ZNF343: variants seen among roughly 807,000 people sequenced by gnomAD.
ZNF343 encodes zinc finger protein 343.
ZNF343 carries 11 observed loss-of-function variants against 13.8 expected under a neutral mutation model. The ratio of observed to expected loss-of-function variants is 0.80; its 90% CI spans 0.50 to 1.32. The LOEUF (loss-of-function observed/expected upper bound fraction) is 1.32. Ranked by LOEUF, ZNF343 falls within the 40% of genes most tolerant of loss-of-function variation. The probability of loss-of-function intolerance (pLI) is 0.00; values close to 1 mark genes in which losing one functional copy is unlikely to be tolerated. For missense variants in ZNF343, 658 were observed against 714.2 expected (o/e 0.92, Z 0.90); for synonymous variants, 248 against 260.0 (o/e 0.95, Z 0.44).
At chr20:2,521,882 G>A (rs1600085318) in intron 1 of ZNF343, among the ~76,000 whole-genome samples, 2 of 152,202 alleles carry the variant, frequency 1.3e-5, no homozygotes, top group Admixed American at 6.5e-5. Context: ...ATGCCAGGCC[G>A]GAGGGGCTCC....
chr20:2,484,843 A>G (rs1160812144), intron 5 of ZNF343, among the ~76,000 whole-genome samples, 187 bp from the exon 6 acceptor site: 1 of 152,206 alleles, frequency 6.6e-6, no homozygotes, highest in African/African-American at 2.4e-5. Context: ...CAGAAAATCC[A>G]TAACAAAAAT....
upstream of ZNF343, among the ~76,000 whole-genome samples, chr20:2,510,776 AGTGC>A (rs1318645113): frequency 1.3e-5 from 2 of 152,234 alleles, no homozygotes; most frequent in African/African-American, 2.4e-5. Flanking sequence ...GCCTTAATTG[AGTGC>A]TGCAGCCAAG....
At chr20:2,509,394 C>A (rs1171923344), upstream of ZNF343, among the ~76,000 whole-genome samples, 1 of 152,216 alleles carries the variant, frequency 6.6e-6, no homozygotes, top group Non-Finnish European at 1.5e-5. Context: ...CGCCTCCCAG[C>A]GTCTCAGTTG....
chr20:2,483,901 CAT>C lies in ZNF343; in HGVS notation c.1058_1059del (p.Tyr353CysfsTer10). 2 of 1,614,176 alleles carry C rather than the reference CAT, an allele frequency of 1.2e-6. No homozygotes were observed. The highest frequency in any genetic ancestry group is 4.5e-5 in the East Asian group (2 of 44,872). On this transcript the variant is annotated frameshift_variant, in exon 6 of 6. Coordinates refer to ENST00000278772, the MANE Select transcript of ZNF343 (RefSeq NM_024325.6). LOFTEE classifies it low-confidence loss of function (END_TRUNC). ...AAGCCTCGCCCACACTCGCTGCAAACATAGGGCTTCTCCTCTGAGTGAGTCCA... is the reference window on the plus strand; with the variant it reads ...AAGCCTCGCCCACACTCGCTGCAAACAGGGCTTCTCCTCTGAGTGAGTCCA... ...HQWTHSEEKP[Y>X]VCSECGRGFS...
rs754573101 is a variant in ZNF343, at chr20:2,483,831, C to T, written c.1130G>A (p.Gly377Asp). 8 of 1,613,196 alleles carry T rather than the reference C, an allele frequency of 5.0e-6. No homozygotes were observed. Among genetic ancestry groups the T allele is most frequent in the Non-Finnish European group, 6.8e-6 (8 of 1,179,748 alleles). ...CTCCAGGCACACATAGGGTTTCTCACCGGAGTGTGTCCTCTGGTGTCTGAT... is the reference window on the plus strand; with the variant it reads ...CTCCAGGCACACATAGGGTTTCTCATCGGAGTGTGTCCTCTGGTGTCTGAT... ...SFIRHQRTHS[G>D]EKPYVCLECG... The change falls in exon 6 of 6, where the codon GGT becomes GAT. Residue 377 changes from glycine (G) to aspartate (D), a missense_variant. Coordinates refer to ENST00000278772, the MANE Select transcript of ZNF343 (RefSeq NM_024325.6).
chr20:2,506,911 G>A (rs998116800), intron 1 of ZNF343, among the ~76,000 whole-genome samples: 1 of 151,048 alleles, frequency 6.6e-6, no homozygotes, highest in Admixed American at 6.6e-5. Context: ...TAACCTGCAC[G>A]TTGCGCACAT....
At chr20:2,484,956 A>G (rs573919021) in intron 5 of ZNF343, among the ~76,000 whole-genome samples, 2 of 152,254 alleles carry the variant, frequency 1.3e-5, no homozygotes, top group African/African-American at 4.8e-5. Context: ...ATTGGTATAT[A>G]CTGTCCACAG....
At chr20:2,489,059 A>T (rs992994634) in intron 5 of ZNF343, among the ~76,000 whole-genome samples, 6 of 152,054 alleles carry the variant, frequency 3.9e-5, no homozygotes, top group African/African-American at 1.2e-4. Flanking sequence ...ATATATATAA[A>T]TTTTTTTTAA....
At chr20:2,510,496 AAT>A (rs1285768764), upstream of ZNF343, among the ~76,000 whole-genome samples, 1 of 152,218 alleles carries the variant, frequency 6.6e-6, no homozygotes, top group East Asian at 1.9e-4. Context: ...TCACCTTCCC[AAT>A]ATCAGCCTTC....
intron 1 of ZNF343, among the ~76,000 whole-genome samples, chr20:2,501,548 T>G (rs962869041): frequency 1.3e-5 from 2 of 152,178 alleles, no homozygotes; most frequent in Non-Finnish European, 2.9e-5. Context: ...GTAGCCTAAC[T>G]GGGAGGCACC....
In ZNF343 at chr20:2,523,769, G is replaced by A. The variant is rs933704530; in HGVS notation, c.-347+686C>T. On this transcript the variant is annotated intron_variant, in intron 1 of 6. Transcript: ENST00000358413. ...GATCTTGGCTCACTGCAACCTCTGC[G>A]TCCTGGATTCACGTGATTCTCCTGC... Among the ~76,000 whole-genome samples, 5 of 144,916 alleles carry A rather than the reference G, an allele frequency of 3.5e-5. No individual in the cohort carries two copies. The South Asian group carries it at 6.4e-4, about 19-fold the overall frequency.
At chr20:2,498,445 A>G (rs970973352) in intron 2 of ZNF343, among the ~76,000 whole-genome samples, 2 of 152,226 alleles carry the variant, frequency 1.3e-5, no homozygotes, top group African/African-American at 4.8e-5. Context: ...AATGGAGTAA[A>G]TGTGTGACTA....
chr20:2,502,957 T>C (rs1227116988), intron 1 of ZNF343, among the ~76,000 whole-genome samples: 1 of 152,142 alleles, frequency 6.6e-6, no homozygotes, highest in Non-Finnish European at 1.5e-5. Flanking sequence ...AATTAACACA[T>C]AACCATATTA....
chr20:2,517,406 T>C (rs2085763968), intron 1 of ZNF343, among the ~76,000 whole-genome samples: 1 of 151,950 alleles, frequency 6.6e-6, no homozygotes, highest in South Asian at 2.1e-4. Flanking sequence ...TGTATATGTA[T>C]ATATATACAC....
chr20:2,516,831 C>T (rs2085761413), intron 1 of ZNF343, among the ~76,000 whole-genome samples: 1 of 151,938 alleles, frequency 6.6e-6, no homozygotes, highest in African/African-American at 2.4e-5. Flanking sequence ...GGATAAAGGT[C>T]AGGCTCAAGG....
At chr20:2,519,944 G>C (rs890137934) in intron 1 of ZNF343, among the ~76,000 whole-genome samples, 1 of 152,198 alleles carries the variant, frequency 6.6e-6, no homozygotes, top group African/African-American at 2.4e-5. Context: ...AGGTGTGATT[G>C]TAAGATTATT....
At position 2,484,614 on chromosome 20, in the gene ZNF343, A is replaced by G; in HGVS notation, c.347T>C (p.Leu116Pro). 6.2e-7 allele frequency: 1 copy of G among 1,609,990 alleles called. No individual in the cohort carries two copies. Among genetic ancestry groups the G allele is most frequent in the Non-Finnish European group, 8.5e-7 (1 of 1,177,828 alleles). Residue 116 changes from leucine to proline, a missense_variant, in exon 6 of 6, where the codon CTG becomes CCG. Coordinates refer to ENST00000278772, the MANE Select transcript of ZNF343 (RefSeq NM_024325.6). ...PEIYTCSSCL[L>P]AFSCQQFLSQ... is the part of the protein sequence containing the mutation. ...GAGGAACTGCTGACAGGAGAAGGCCAGAAGGCAGGAGGAACAAGTGTAGAT... is the reference window on the plus strand; with the variant it reads ...GAGGAACTGCTGACAGGAGAAGGCCGGAAGGCAGGAGGAACAAGTGTAGAT...
intron 1 of ZNF343, among the ~76,000 whole-genome samples, chr20:2,517,327 A>G (rs1326345804): frequency 6.6e-6 from 1 of 152,022 alleles, no homozygotes; most frequent in Non-Finnish European, 1.5e-5. Flanking sequence ...ATACAAATAT[A>G]CACACACATA....
At chr20:2,501,353 G>A (rs1345171973) in intron 1 of ZNF343, among the ~76,000 whole-genome samples, 1 of 152,206 alleles carries the variant, frequency 6.6e-6, no homozygotes. Context: ...AAGGAGGCCT[G>A]CCTGCCTGCC....
Sources: allele counts gnomAD v4.1 joint callset (sites outside exome capture counted in the v4.1 genomes callset), GRCh38; gene constraint gnomAD v4.1.1; transcripts MANE v1.5; gene names NCBI Gene and HGNC (gene_info 2026-07-23, HGNC 2026-07-21).